The following ASIC2 variants were observed in gnomAD, a reference collection of about 807,000 sequenced individuals.
The protein encoded by ASIC2 is acid sensing ion channel subunit 2.
Under a neutral mutation model 57.3 loss-of-function variants are expected in ASIC2, and 25 were observed. The observed-to-expected ratio is 0.44, with a 90% confidence interval of 0.32 to 0.61. The LOEUF (loss-of-function observed/expected upper bound fraction) is 0.61, where lower values mean the gene tolerates loss of function less well. ASIC2 is among the 20% of genes least tolerant of loss of function. The pLI is 0.06. For synonymous variants in ASIC2, 319 were observed against 307.5 expected (o/e 1.04, Z -0.39); for missense variants, 641 against 738.1 (o/e 0.87, Z 1.52).
At chr17:33,220,924 T>C (rs35188918) in intron 1 of ASIC2, among the ~76,000 whole-genome samples, 26,050 of 151,994 alleles carry the variant, frequency 0.17, 2,735 homozygotes, top group Non-Finnish European at 0.23. Flanking sequence ...ATTCAAAAAT[T>C]AGCTGGATGT....
At chr17:33,972,421 G>A (rs963685027) in intron 1 of ASIC2, among the ~76,000 whole-genome samples, 1 of 152,068 alleles carries the variant, frequency 6.6e-6, no homozygotes, top group African/African-American at 2.4e-5. Context: ...ACAAACAAAG[G>A]TCAGTATTGC....
chr17:33,223,037 C>T (rs1242007878), intron 1 of ASIC2, among the ~76,000 whole-genome samples: 2 of 152,136 alleles, frequency 1.3e-5, no homozygotes, highest in African/African-American at 4.8e-5. Flanking sequence ...AGATTCTCAC[C>T]AGAGAGCCAT....
chr17:33,430,131 C>T (rs561587304), intron 1 of ASIC2, among the ~76,000 whole-genome samples: 5 of 152,182 alleles, frequency 3.3e-5, no homozygotes, highest in African/African-American at 1.2e-4. Flanking sequence ...CCACTGAAAC[C>T]CTGGCTCCTC....
intron 1 of ASIC2, chr17:34,071,184 ATAGAG>A (rs1304224102): frequency 2.6e-5 from 4 of 152,158 alleles, no homozygotes; most frequent in Non-Finnish European, 5.9e-5. Flanking sequence ...AATATGTAGA[ATAGAG>A]TAGATAAGTG....
intron 1 of ASIC2, among the ~76,000 whole-genome samples, chr17:33,376,725 C>T (rs1262437749): frequency 7.2e-5 from 11 of 152,134 alleles, no homozygotes; most frequent in Non-Finnish European, 4.4e-5. Flanking sequence ...AATTCTTTAA[C>T]CAACTTATCT....
intron 1 of ASIC2, among the ~76,000 whole-genome samples, chr17:33,831,585 A>G (rs867591035): frequency 0.017 from 997 of 57,634 alleles, 11 homozygotes; most frequent in African/African-American, 0.035. Flanking sequence ...ATCTGAAGTA[A>G]AAAAAAAAAA....
intron 1 of ASIC2, among the ~76,000 whole-genome samples, chr17:33,633,136 C>T (rs374054149): frequency 6.6e-6 from 1 of 152,138 alleles, no homozygotes; most frequent in Admixed American, 6.5e-5. Flanking sequence ...TGGTGAGGGT[C>T]GGGTCTCCAG....
chr17:34,005,772 TTGTG>T (rs1906504207), intron 1 of ASIC2: 1 of 152,256 alleles, frequency 6.6e-6, no homozygotes, highest in Admixed American at 6.5e-5. Flanking sequence ...GAGTTAACAG[TTGTG>T]TACCCTGATG....
chr17:33,468,875 C>T (rs976866396), intron 1 of ASIC2, among the ~76,000 whole-genome samples: 2 of 152,074 alleles, frequency 1.3e-5, no homozygotes, highest in African/African-American at 2.4e-5. Flanking sequence ...TCTCAGGGTA[C>T]GGCTAATGGC....
intron 1 of ASIC2, among the ~76,000 whole-genome samples, chr17:33,705,804 A>C (rs1445645006): frequency 6.6e-6 from 1 of 152,164 alleles, no homozygotes; most frequent in Non-Finnish European, 1.5e-5. Context: ...TAAGCCACGA[A>C]GTCTGTGGTA....
intron 1 of ASIC2, among the ~76,000 whole-genome samples, chr17:33,369,420 G>A (rs917100852): frequency 2.0e-5 from 3 of 152,164 alleles, no homozygotes; most frequent in Non-Finnish European, 4.4e-5. Context: ...TTGTGTGACT[G>A]CTGACAAGTC....
At chr17:34,057,862 T>C (rs1005420654) in intron 1 of ASIC2, among the ~76,000 whole-genome samples, 3 of 152,090 alleles carry the variant, frequency 2.0e-5, no homozygotes, top group African/African-American at 7.2e-5. Flanking sequence ...TCTGTCTAAC[T>C]CCAAAGCCAA....
chr17:33,689,913 T>C (rs1848408318), intron 1 of ASIC2, among the ~76,000 whole-genome samples: 1 of 152,196 alleles, frequency 6.6e-6, no homozygotes, highest in African/African-American at 2.4e-5. Context: ...GGAAGATTTC[T>C]ACCCTGGAGC....
chr17:34,073,986 T>C (rs1909526228), intron 1 of ASIC2, among the ~76,000 whole-genome samples: 1 of 152,202 alleles, frequency 6.6e-6, no homozygotes, highest in Non-Finnish European at 1.5e-5. Context: ...ATGCAGCCAA[T>C]ATACGGCCTT....
chr17:33,833,239 A>C (rs317327), intron 1 of ASIC2, among the ~76,000 whole-genome samples: 53 of 152,200 alleles, frequency 3.5e-4, no homozygotes, highest in Admixed American at 3.4e-3. Flanking sequence ...TAAGCATCCC[A>C]AGGGCCAATG....
intron 1 of ASIC2, among the ~76,000 whole-genome samples, chr17:33,115,179 G>A (rs759737243): frequency 1.3e-5 from 2 of 152,162 alleles, no homozygotes; most frequent in African/African-American, 2.4e-5. Flanking sequence ...TCTTCTGGGG[G>A]CAGTGTGCTG....
chr17:33,804,556 T>C (rs556437307), intron 1 of ASIC2, among the ~76,000 whole-genome samples: 1 of 152,340 alleles, frequency 6.6e-6, no homozygotes, highest in Non-Finnish European at 1.5e-5. Context: ...GCTTTGCTGG[T>C]GCTGGGTGCT....
rs114351219 is a variant in ASIC2, at chr17:33,439,846, C to T, written c.556-327779G>A. Among the ~76,000 whole-genome samples, 285 of 152,286 alleles carry T rather than the reference C, an allele frequency of 1.9e-3. 1 individual carries two copies. Among genetic ancestry groups the T allele is most frequent in the African/African-American group, 6.2e-3 (259 of 41,570 alleles). ...CACTCTGGAGCAATGGAGGAAGCATCGGCTCCAGTCTGCCAGGCAAGGACA... is the reference window on the plus strand; with the variant it reads ...CACTCTGGAGCAATGGAGGAAGCATTGGCTCCAGTCTGCCAGGCAAGGACA... On this transcript the variant is annotated intron_variant, in intron 1 of 9. Transcript: ENST00000359872.
intron 1 of ASIC2, among the ~76,000 whole-genome samples, chr17:33,318,256 C>A (rs898310589): frequency 1.3e-5 from 2 of 152,128 alleles, no homozygotes; most frequent in Non-Finnish European, 2.9e-5. Flanking sequence ...TTGCTTTCTT[C>A]TCTCGTCTTT....
Sources: gnomAD v4.1 joint callset for allele counts (sites outside exome capture counted in the v4.1 genomes callset) on GRCh38, gnomAD v4.1.1 for gene constraint, MANE v1.5 for transcripts, NCBI Gene and HGNC (gene_info 2026-07-23, HGNC 2026-07-21) for gene names.